Variants in ULK4 observed in about 807,000 individuals in gnomAD.
ULK4 encodes inactive serine/threonine-protein kinase ULK4.
ULK4 carries 133 observed loss-of-function variants against 160.6 expected under a neutral mutation model. The ratio of observed to expected loss-of-function variants is 0.83; its 90% CI spans 0.72 to 0.96. The LOEUF is 0.96. ULK4 is among the 40% of genes least tolerant of loss of function. The pLI is 0.00. For missense variants in ULK4, 1,580 were observed against 1,499.5 expected (o/e 1.05, Z -0.89); for synonymous variants, 534 against 539.8 (o/e 0.99, Z 0.15).
chr3:41,799,692 T>A (rs2040399147), intron 20 of ULK4, among the ~76,000 whole-genome samples: 1 of 151,916 alleles, frequency 6.6e-6, no homozygotes, highest in African/African-American at 2.4e-5. Flanking sequence ...CAAGACCCCA[T>A]CTCTACAAAA....
chr3:41,658,836 A>G (rs1275465475), intron 30 of ULK4, among the ~76,000 whole-genome samples: 1 of 152,042 alleles, frequency 6.6e-6, no homozygotes, highest in East Asian at 1.9e-4. Context: ...TGAAGTTCTG[A>G]ACATGTTATG....
rs76405900 is a variant in ULK4 at position 41,681,056 on chromosome 3, C to T, written c.2978+452G>A. Among the ~76,000 whole-genome samples, 822 of 152,262 alleles carry T rather than the reference C, an allele frequency of 5.4e-3. 25 individuals are homozygous for T. The East Asian group carries it at 0.087, about 16-fold the overall frequency. ...CATTACCTGTTCCGCCACCTCCACCCAACCCCTGAGAAAGTCCTGCTCAGA... is the reference window on the plus strand; with the variant it reads ...CATTACCTGTTCCGCCACCTCCACCTAACCCCTGAGAAAGTCCTGCTCAGA... On this transcript the variant is annotated intron_variant, in intron 29 of 36. Transcript: ENST00000301831.
Position 41,643,061 on chromosome 3 carries a change from C to G in ULK4, c.3071+20546G>C, listed in dbSNP as rs1245517681. Among the ~76,000 whole-genome samples the G allele has an allele frequency of 6.6e-5, 10 of 151,956 alleles. 1 individual carries two copies. Among genetic ancestry groups the G allele is most frequent in the Admixed American group, 5.2e-4 (8 of 15,262 alleles). On this transcript the variant is annotated intron_variant, in intron 30 of 36. Coordinates refer to ENST00000301831, the MANE Select transcript of ULK4 (RefSeq NM_017886.4). ...TTGTTTGTTTTTTTCTTGTACATTTCTTTGAGTTCATTGTAGATTCTGGAT... is the reference window on the plus strand; with the variant it reads ...TTGTTTGTTTTTTTCTTGTACATTTGTTTGAGTTCATTGTAGATTCTGGAT...
chr3:41,390,346 T>C (rs1265152055), intron 35 of ULK4, among the ~76,000 whole-genome samples: 1 of 152,102 alleles, frequency 6.6e-6, no homozygotes, highest in Non-Finnish European at 1.5e-5. Flanking sequence ...TTTTGAAGGG[T>C]TTTTTGTGTC....
intron 35 of ULK4, among the ~76,000 whole-genome samples, chr3:41,312,204 G>A (rs2080064638): frequency 6.6e-6 from 1 of 151,914 alleles, no homozygotes; most frequent in Non-Finnish European, 1.5e-5. Context: ...TCAAATCCTG[G>A]CTTCAAGTGA....
chr3:41,864,303 G>C (rs887337052), intron 17 of ULK4, among the ~76,000 whole-genome samples: 1 of 151,842 alleles, frequency 6.6e-6, no homozygotes, highest in African/African-American at 2.4e-5. Context: ...ACACCAGGCT[G>C]CTGCTAGGGC....
intron 32 of ULK4, among the ~76,000 whole-genome samples, chr3:41,467,358 C>T (rs2083860918): frequency 1.3e-5 from 2 of 152,118 alleles, no homozygotes; most frequent in African/African-American, 2.4e-5. Flanking sequence ...GAAAACCCAT[C>T]TCTACTAAAA....
At chr3:41,699,671 A>T (rs2036608219) in intron 27 of ULK4, among the ~76,000 whole-genome samples, 1 of 152,184 alleles carries the variant, frequency 6.6e-6, no homozygotes, top group Non-Finnish European at 1.5e-5. Context: ...ACTTCCATAC[A>T]ATATAGTATT....
rs1242499759 is a variant in ULK4, at chr3:41,306,069, A to G, written c.3679-56495T>C. On this transcript the variant is annotated intron_variant, in intron 35 of 36. Coordinates refer to ENST00000301831, the MANE Select transcript of ULK4 (RefSeq NM_017886.4). Reference sequence around the variant, plus strand: ...TGAGGAGCCTCTCCGCCCAGCAGCCACCCAGTCTGGGAAGTGAGGAGCGTC... The same window carrying G: ...TGAGGAGCCTCTCCGCCCAGCAGCCGCCCAGTCTGGGAAGTGAGGAGCGTC... 1.4e-4 allele frequency among the ~76,000 whole-genome samples: 19 copies of G among 132,828 alleles called. No individual in the cohort carries two copies. The East Asian group carries it at 4.5e-3, about 32-fold the overall frequency. 87.1% of individuals were successfully genotyped at this position (132,828 alleles called of 152,430 possible).
intron 32 of ULK4, among the ~76,000 whole-genome samples, chr3:41,538,864 A>G (rs1222107684): frequency 6.6e-6 from 1 of 152,168 alleles, no homozygotes; most frequent in Non-Finnish European, 1.5e-5. Context: ...TGTATGGTCT[A>G]TAAGCATGTG....
chr3:41,800,357 AC>A, intron 19 of ULK4, 64 bp from the exon 20 acceptor site: 4 of 1,489,866 alleles, frequency 2.7e-6, no homozygotes, highest in Non-Finnish European at 3.7e-6. Flanking sequence ...TTTCTTTATG[AC>A]CATTGTAAAT....
chr3:41,534,516 CA>C (rs11381017), intron 32 of ULK4, among the ~76,000 whole-genome samples: 4,417 of 142,110 alleles, frequency 0.031, 160 homozygotes, highest in African/African-American at 0.086. Context: ...AATGTTTAAG[CA>C]AAAAAAAAAA....
At chr3:41,595,218 G>A (rs1004556699) in intron 31 of ULK4, among the ~76,000 whole-genome samples, 1 of 152,174 alleles carries the variant, frequency 6.6e-6, no homozygotes, top group African/African-American at 2.4e-5. Flanking sequence ...GGACCTGCAA[G>A]GCGTGGTAAA....
chr3:41,504,291 C>T (rs375572912), intron 32 of ULK4, among the ~76,000 whole-genome samples: 1 of 152,168 alleles, frequency 6.6e-6, no homozygotes. Flanking sequence ...AGGTTATTTA[C>T]TGTCTCCCTC....
chr3:41,472,435 G>C (rs1463306304), intron 32 of ULK4, among the ~76,000 whole-genome samples: 1 of 151,970 alleles, frequency 6.6e-6, no homozygotes, highest in Admixed American at 6.6e-5. Flanking sequence ...CAGGTGTGGT[G>C]GTGCATGCCT....
chr3:41,517,454 C>T (rs1200847330), intron 32 of ULK4, among the ~76,000 whole-genome samples: 1 of 152,134 alleles, frequency 6.6e-6, no homozygotes, highest in Non-Finnish European at 1.5e-5. Context: ...TGGGAGGACA[C>T]AGTAAGAGGC....
At chr3:41,808,192 T>C (rs1397510468) in intron 19 of ULK4, among the ~76,000 whole-genome samples, 1 of 152,200 alleles carries the variant, frequency 6.6e-6, no homozygotes, top group East Asian at 1.9e-4. Context: ...TTTTGCCCCA[T>C]ATGCCTTGCT....
chr3:41,647,633 G>A (rs965692667), intron 30 of ULK4, among the ~76,000 whole-genome samples: 17 of 152,208 alleles, frequency 1.1e-4, no homozygotes, highest in Admixed American at 3.3e-4. Flanking sequence ...TAGGCTGCTT[G>A]GGGGTCAGGG....
At chr3:41,517,703 T>A (rs1294647833) in intron 32 of ULK4, among the ~76,000 whole-genome samples, 1 of 152,106 alleles carries the variant, frequency 6.6e-6, no homozygotes, top group Non-Finnish European at 1.5e-5. Flanking sequence ...GAAAGGGAGG[T>A]AATTCAGCCC....
Sources: gnomAD v4.1 joint callset for allele counts (sites outside exome capture counted in the v4.1 genomes callset) on GRCh38, gnomAD v4.1.1 for gene constraint, MANE v1.5 for transcripts, NCBI Gene and HGNC (gene_info 2026-07-23, HGNC 2026-07-21) for gene names.